Variants in EIF3H observed in about 807,000 individuals in gnomAD.
EIF3H encodes eIF-3-gamma.
A neutral mutation model predicts 44.2 loss-of-function variants in EIF3H; 26 were observed. That is an observed-to-expected ratio of 0.59 (90% CI 0.43 to 0.82). The LOEUF (loss-of-function observed/expected upper bound fraction) is 0.82. Ranked by LOEUF, EIF3H falls within the 40% of genes least tolerant of loss-of-function variation. The pLI is 0.00. For missense variants in EIF3H, 359 were observed against 432.8 expected (o/e 0.83, Z 1.51); for synonymous variants, 166 against 151.9 (o/e 1.09, Z -0.68).
intron 2 of EIF3H, among the ~76,000 whole-genome samples, chr8:116,700,510 A>C (rs1225876512): frequency 6.6e-6 from 1 of 152,146 alleles, no homozygotes; most frequent in Admixed American, 6.5e-5. Context: ...TAGGGGAGCC[A>C]AAAGATGGAA....
intron 2 of EIF3H, among the ~76,000 whole-genome samples, chr8:116,661,278 G>T (rs1228891356): frequency 6.6e-6 from 1 of 152,198 alleles, no homozygotes; most frequent in African/African-American, 2.4e-5. Flanking sequence ...GAAGAGGAGA[G>T]ATTAAGCAAC....
At chr8:116,647,920 T>C (rs948810877) in intron 6 of EIF3H, among the ~76,000 whole-genome samples, 7 of 152,108 alleles carry the variant, frequency 4.6e-5, no homozygotes, top group African/African-American at 9.7e-5. Context: ...CTCCCATCTT[T>C]TTAGTTAAAA....
intron 1 of EIF3H, among the ~76,000 whole-genome samples, chr8:116,753,466 C>T (rs1328472537): frequency 2.6e-5 from 4 of 152,022 alleles, no homozygotes; most frequent in Non-Finnish European, 1.5e-5. Flanking sequence ...TAGATATGAG[C>T]GTTTTCACCA....
intron 2 of EIF3H, among the ~76,000 whole-genome samples, chr8:116,671,607 C>T (rs4472547): frequency 0.89 from 135,291 of 152,248 alleles, 60,411 homozygotes; most frequent in African/African-American, 0.96. Context: ...ACCTTCTAGG[C>T]GCTGTCCAGC....
At chr8:116,665,094 A>G (rs1313507152) in intron 2 of EIF3H, among the ~76,000 whole-genome samples, 1 of 152,230 alleles carries the variant, frequency 6.6e-6, no homozygotes, top group Non-Finnish European at 1.5e-5. Context: ...AAGGCTAGCC[A>G]GCCACCCATT....
At chr8:116,727,268 T>A (rs1161285553) in intron 1 of EIF3H, among the ~76,000 whole-genome samples, 1 of 151,330 alleles carries the variant, frequency 6.6e-6, no homozygotes, top group Non-Finnish European at 1.5e-5. Context: ...CCCGCCAAAG[T>A]GGAAACGAAG....
chr8:116,759,600 T>G (rs186480614), upstream of EIF3H, among the ~76,000 whole-genome samples: 8 of 152,228 alleles, frequency 5.3e-5, no homozygotes, highest in Non-Finnish European at 7.4e-5. Context: ...TAAATGTCAT[T>G]TTATTACGAT....
chr8:116,757,420 C>T (rs955964766), upstream of EIF3H, among the ~76,000 whole-genome samples: 3 of 152,170 alleles, frequency 2.0e-5, no homozygotes, highest in African/African-American at 7.2e-5. Context: ...TGGCTACCTC[C>T]TTTATTCTCA....
chr8:116,680,773 CTA>C (rs1382768890), intron 2 of EIF3H, among the ~76,000 whole-genome samples: 1 of 146,812 alleles, frequency 6.8e-6, no homozygotes, highest in African/African-American at 2.5e-5. Flanking sequence ...CACTATTGTC[CTA>C]TGACCCTGCC....
Position 116,689,112 on chromosome 8 carries a change from T to G in EIF3H, c.290-30132A>C, listed in dbSNP as rs951475381. 22 of 449,776 alleles carry G rather than the reference T, an allele frequency of 4.9e-5. No individual in the cohort carries two copies. In the East Asian group the frequency reaches 1.5e-3, roughly 30 times the overall value. 27.9% of individuals were successfully genotyped at this position (449,776 alleles called of 1,614,324 possible). A position where few individuals can be genotyped will look rare whatever the true frequency, so the allele number is the denominator to read the frequency against. On this transcript the variant is annotated intron_variant, in intron 2 of 7. Coordinates refer to ENST00000521861, the MANE Select transcript of EIF3H (RefSeq NM_003756.3). ...TACTCAGCAATAACAAGGAACGAAG[T>G]TCTGATGTATGCTGCACTATGAATG... is the stretch of plus-strand genomic sequence containing the variant.
intron 1 of EIF3H, among the ~76,000 whole-genome samples, chr8:116,734,916 A>AT (rs370974390): frequency 1.3e-5 from 2 of 152,236 alleles, no homozygotes; most frequent in African/African-American, 4.8e-5. Flanking sequence ...AATTTCATTT[A>AT]TTTTTTGTTA....
intron 2 of EIF3H, among the ~76,000 whole-genome samples, chr8:116,674,845 T>C (rs1813819134): frequency 6.6e-6 from 1 of 152,116 alleles, no homozygotes; most frequent in African/African-American, 2.4e-5. Context: ...ACATCATAGA[T>C]TAACAGATGC....
chr8:116,705,075 T>C (rs149462033), intron 2 of EIF3H, among the ~76,000 whole-genome samples: 1 of 152,338 alleles, frequency 6.6e-6, no homozygotes, highest in African/African-American at 2.4e-5. Context: ...GTAGTGCTTA[T>C]TATCTACAAA....
chr8:116,698,277 T>C (rs757270030), intron 2 of EIF3H, among the ~76,000 whole-genome samples: 1 of 152,078 alleles, frequency 6.6e-6, no homozygotes, highest in Non-Finnish European at 1.5e-5. Flanking sequence ...ACCATACACA[T>C]TTCATTCAAA....
At chr8:116,667,233 T>A (rs767617428) in intron 2 of EIF3H, among the ~76,000 whole-genome samples, 29 of 152,138 alleles carry the variant, frequency 1.9e-4, no homozygotes, top group Middle Eastern at 3.2e-3. Flanking sequence ...AAATATCAGA[T>A]CTTAAAGTAG....
intron 2 of EIF3H, among the ~76,000 whole-genome samples, chr8:116,666,592 A>G (rs1487564641): frequency 1.3e-5 from 2 of 151,974 alleles, no homozygotes; most frequent in African/African-American, 2.4e-5. Flanking sequence ...AGTTAATTCT[A>G]TGTCATTTGA....
At chr8:116,740,162 A>T (rs1242901521) in intron 1 of EIF3H, among the ~76,000 whole-genome samples, 1 of 152,224 alleles carries the variant, frequency 6.6e-6, no homozygotes, top group African/African-American at 2.4e-5. Context: ...AGAATCAGTA[A>T]CATTAAGCAC....
chr8:116,758,679 T>C (rs1052074839), upstream of EIF3H, among the ~76,000 whole-genome samples: 1 of 152,164 alleles, frequency 6.6e-6, no homozygotes, highest in African/African-American at 2.4e-5. Context: ...CAAATCACAA[T>C]AGATTTAAAG....
In EIF3H at chr8:116,721,353, G is replaced by A. The variant is rs1040616319; in HGVS notation, c.289+4663C>T. The stretch of plus-strand genomic sequence containing the variant: ...TCCGCCTAAATTTCAGAGGATGTAC[G>A]GAAATGCCTGCACATCAGGCAGAAG... On this transcript the variant is annotated intron_variant, in intron 2 of 7. Coordinates refer to ENST00000521861, the MANE Select transcript of EIF3H (RefSeq NM_003756.3). 9.2e-5 allele frequency among the ~76,000 whole-genome samples: 14 copies of A among 152,338 alleles called. No individual in the cohort carries two copies. In the East Asian group the frequency reaches 1.4e-3, roughly 15 times the overall value.
Sources: allele counts gnomAD v4.1 joint callset (sites outside exome capture counted in the v4.1 genomes callset), GRCh38; gene constraint gnomAD v4.1.1; transcripts MANE v1.5; gene names NCBI Gene and HGNC (gene_info 2026-07-23, HGNC 2026-07-21).